Variants in NCAM2 observed in about 807,000 individuals in gnomAD.
The protein encoded by NCAM2 is neural cell adhesion molecule 2.
Under a neutral mutation model 98.1 loss-of-function variants are expected in NCAM2, and 30 were observed. The ratio of observed to expected loss-of-function variants is 0.31; its 90% CI spans 0.23 to 0.41. NCAM2 has a LOEUF of 0.41. Among genes scored for constraint, NCAM2 ranks in the 10% least tolerant of loss-of-function variants. The probability of loss-of-function intolerance (pLI) is 1.00; values close to 1 mark genes in which losing one functional copy is unlikely to be tolerated. For synonymous variants in NCAM2, 368 were observed against 342.4 expected, an observed-to-expected ratio of 1.07 and a Z score of -0.83; for missense variants, 867 against 1,005.8, an observed-to-expected ratio of 0.86 and a Z score of 1.87.
chr21:21,335,489 C>CT lies in NCAM2; in HGVS notation c.738-10dup. ...AAGCCAGATCTGTGAGGATGAACCT[C>CT]TTTTTTCTTCTTTAGGAATGGCAAG... On this transcript the variant is annotated splice_polypyrimidine_tract_variant and intron_variant, in intron 6 of 17. Coordinates refer to ENST00000400546, the MANE Select transcript of NCAM2 (RefSeq NM_004540.5). 1.3e-6 allele frequency: 2 copies of CT among 1,575,260 alleles called. No homozygotes were observed. Among genetic ancestry groups the CT allele is most frequent in the East Asian group, 2.3e-5 (1 of 43,596 alleles).
chr21:21,262,658 CAAAAAAAA>C (rs33912324), intron 1 of NCAM2, among the ~76,000 whole-genome samples: 1 of 78,960 alleles, frequency 1.3e-5, no homozygotes, highest in Admixed American at 1.7e-4. Flanking sequence ...AACAATCAGT[CAAAAAAAA>C]AAAAAAAAAA....
chr21:21,163,391 G>GT (rs1366339291), intron 1 of NCAM2, among the ~76,000 whole-genome samples: 2 of 152,116 alleles, frequency 1.3e-5, no homozygotes, highest in African/African-American at 4.8e-5. Flanking sequence ...AGTACAGCTA[G>GT]TTTGTCTGGC....
At chr21:21,302,799 G>C (rs1262583956) in intron 5 of NCAM2, among the ~76,000 whole-genome samples, 1 of 152,066 alleles carries the variant, frequency 6.6e-6, no homozygotes, top group Non-Finnish European at 1.5e-5. Flanking sequence ...GCATAGAGAC[G>C]TGTATGTTCA....
intron 12 of NCAM2, among the ~76,000 whole-genome samples, chr21:21,465,183 T>C (rs1434044130): frequency 6.6e-6 from 1 of 152,110 alleles, no homozygotes; most frequent in African/African-American, 2.4e-5. Context: ...TTATCTGGTA[T>C]TAAGTAATTT....
At chr21:21,045,350 A>G (rs2064987801) in intron 1 of NCAM2, among the ~76,000 whole-genome samples, 1 of 152,088 alleles carries the variant, frequency 6.6e-6, no homozygotes, top group Admixed American at 6.5e-5. Flanking sequence ...CTCAGAATAG[A>G]TAGAAACTAG....
intron 9 of NCAM2, among the ~76,000 whole-genome samples, chr21:21,379,418 C>G (rs1256979257): frequency 6.6e-6 from 1 of 151,970 alleles, no homozygotes; most frequent in Non-Finnish European, 1.5e-5. Flanking sequence ...TTTCACTAAG[C>G]AGTGCTTTAA....
At chr21:21,330,641 C>T (rs778217862) in intron 6 of NCAM2, among the ~76,000 whole-genome samples, 13 of 151,838 alleles carry the variant, frequency 8.6e-5, no homozygotes, top group African/African-American at 2.4e-4. Context: ...TTTTTTGTAA[C>T]GATTCTTCTC....
intron 5 of NCAM2, among the ~76,000 whole-genome samples, chr21:21,310,703 C>G (rs181530773): frequency 1.3e-5 from 2 of 152,192 alleles, no homozygotes; most frequent in East Asian, 3.9e-4. Context: ...CAGTAAAATT[C>G]ACTTTTTTAA....
intron 9 of NCAM2, among the ~76,000 whole-genome samples, chr21:21,397,658 C>T (rs2076540316): frequency 6.6e-6 from 1 of 152,194 alleles, no homozygotes; most frequent in South Asian, 2.1e-4. Context: ...TTCCTCACCT[C>T]CTGAGAGCAG....
chr21:21,362,517 T>C (rs1391201139), intron 8 of NCAM2, among the ~76,000 whole-genome samples: 1 of 152,014 alleles, frequency 6.6e-6, no homozygotes, highest in Non-Finnish European at 1.5e-5. Context: ...CTCAGCCTTC[T>C]GGGTAGCTGG....
At chr21:21,448,959 A>G (rs183997856) in intron 12 of NCAM2, among the ~76,000 whole-genome samples, 60 of 152,244 alleles carry the variant, frequency 3.9e-4, no homozygotes, top group Admixed American at 2.4e-3. Flanking sequence ...GTATGTAATT[A>G]CATTCTTAAT....
At chr21:21,055,183 T>C (rs1002255365) in intron 1 of NCAM2, among the ~76,000 whole-genome samples, 8 of 151,944 alleles carry the variant, frequency 5.3e-5, no homozygotes, top group Non-Finnish European at 8.8e-5. Context: ...CCAAGAAGCT[T>C]ACCCTAGAAC....
chr21:21,016,161 C>T (rs1480676158), intron 1 of NCAM2, among the ~76,000 whole-genome samples: 3 of 152,138 alleles, frequency 2.0e-5, no homozygotes, highest in Non-Finnish European at 2.9e-5. Context: ...ACATGATTTC[C>T]TTTCCCGAAT....
chr21:21,008,945 C>T (rs1477007287), intron 1 of NCAM2, among the ~76,000 whole-genome samples: 1 of 152,130 alleles, frequency 6.6e-6, no homozygotes, highest in Non-Finnish European at 1.5e-5. Context: ...TTTGAGGAGC[C>T]AATCAAAGAT....
intron 9 of NCAM2, among the ~76,000 whole-genome samples, chr21:21,387,258 G>A (rs1345021447): frequency 1.3e-5 from 2 of 151,180 alleles, no homozygotes; most frequent in African/African-American, 2.4e-5. Flanking sequence ...TATAAGGGCA[G>A]TAATCCCATC....
At chr21:21,381,176 G>A (rs2076146012) in intron 9 of NCAM2, among the ~76,000 whole-genome samples, 1 of 152,046 alleles carries the variant, frequency 6.6e-6, no homozygotes, top group Non-Finnish European at 1.5e-5. Context: ...ACTTTTTCTG[G>A]GCTACATACA....
chr21:21,350,899 A>T (rs1339645861), intron 8 of NCAM2, among the ~76,000 whole-genome samples: 2 of 150,342 alleles, frequency 1.3e-5, no homozygotes, highest in South Asian at 4.2e-4. Context: ...CATCATGGCT[A>T]ACAGGGTGAA....
intron 11 of NCAM2, among the ~76,000 whole-genome samples, chr21:21,420,384 T>C (rs1053132045): frequency 2.6e-5 from 4 of 151,964 alleles, no homozygotes; most frequent in African/African-American, 9.7e-5. Flanking sequence ...TGATAAGGAA[T>C]CCTAAAATAC....
chr21:21,419,881 T>C (rs888185040), intron 11 of NCAM2, among the ~76,000 whole-genome samples: 3 of 151,958 alleles, frequency 2.0e-5, no homozygotes, highest in Non-Finnish European at 2.9e-5. Flanking sequence ...TACCCAGTAA[T>C]GGGATGGCTG....
Sources: gnomAD v4.1 joint callset for allele counts (sites outside exome capture counted in the v4.1 genomes callset) on GRCh38, gnomAD v4.1.1 for gene constraint, MANE v1.5 for transcripts, NCBI Gene and HGNC (gene_info 2026-07-23, HGNC 2026-07-21) for gene names.